The following RIMS2 variants were observed in gnomAD, a reference collection of about 807,000 sequenced individuals.
RIMS2 encodes the protein regulating synaptic membrane exocytosis protein 2.
Under a neutral mutation model 174.4 loss-of-function variants are expected in RIMS2, and 59 were observed. The observed-to-expected ratio is 0.34, with a 90% CI of 0.27 to 0.42. The LOEUF (loss-of-function observed/expected upper bound fraction) is 0.42, where lower values mean the gene tolerates loss of function less well. Among genes scored for constraint, RIMS2 ranks in the 10% least tolerant of loss-of-function variants. The pLI, the probability that RIMS2 is intolerant of heterozygous loss-of-function variation, is 1.00. For missense variants in RIMS2, 1,620 were observed against 1,666.3 expected (o/e 0.97, Z 0.48); for synonymous variants, 606 against 572.5 (o/e 1.06, Z -0.84).
At chr8:104,243,352 C>T (rs894079137) in intron 19 of RIMS2, among the ~76,000 whole-genome samples, 16 of 152,058 alleles carry the variant, frequency 1.1e-4, no homozygotes, top group Non-Finnish European at 1.3e-4. Flanking sequence ...AAAGAGATTT[C>T]GACAAATCAC....
At chr8:103,886,312 T>C (rs2099200954) in intron 4 of RIMS2, 89 bp downstream of exon 7, 2 of 1,051,294 alleles carry the variant, frequency 1.9e-6, no homozygotes, top group East Asian at 2.6e-5. Context: ...ATTTAATAGG[T>C]ATTACTAGTA....
At chr8:103,644,515 G>T (rs1298353363) in intron 1 of RIMS2, among the ~76,000 whole-genome samples, 3 of 152,052 alleles carry the variant, frequency 2.0e-5, no homozygotes, top group African/African-American at 7.2e-5. Context: ...TATTGTCAGA[G>T]AAATAGGTGA....
At chr8:104,030,685 C>T (rs966495199) in intron 19 of RIMS2, among the ~76,000 whole-genome samples, 3 of 152,162 alleles carry the variant, frequency 2.0e-5, no homozygotes, top group African/African-American at 7.2e-5. Flanking sequence ...AATACCTTCT[C>T]TTTAAATAAC....
chr8:103,663,694 A>G (rs1434273011), intron 1 of RIMS2, among the ~76,000 whole-genome samples: 3 of 152,232 alleles, frequency 2.0e-5, no homozygotes, highest in Admixed American at 2.0e-4. Context: ...TATTGTGAAA[A>G]TGGCCATACT....
intron 19 of RIMS2, among the ~76,000 whole-genome samples, chr8:104,208,146 G>A (rs1271076718): frequency 2.6e-5 from 4 of 152,098 alleles, no homozygotes; most frequent in African/African-American, 9.7e-5. Flanking sequence ...ATGCTGTTAT[G>A]AAATATTCCT....
chr8:104,128,199 C>G (rs1019512191), intron 19 of RIMS2, among the ~76,000 whole-genome samples: 3 of 152,146 alleles, frequency 2.0e-5, no homozygotes, highest in Non-Finnish European at 4.4e-5. Context: ...TTCCCAGTCA[C>G]TATCTGATCC....
At chr8:103,608,469 G>A (rs1361474897) in intron 1 of RIMS2, among the ~76,000 whole-genome samples, 5 of 144,532 alleles carry the variant, frequency 3.5e-5, no homozygotes, top group East Asian at 3.9e-4. Context: ...TGCCCCCAGA[G>A]GTGGAGCCTA....
chr8:103,575,657 T>C (rs900698030), intron 1 of RIMS2, among the ~76,000 whole-genome samples: 1 of 139,052 alleles, frequency 7.2e-6, no homozygotes, highest in Non-Finnish European at 1.5e-5. Context: ...AATTTATATA[T>C]ATAAACACAC....
intron 1 of RIMS2, among the ~76,000 whole-genome samples, chr8:103,666,505 G>A (rs370328319): frequency 6.6e-6 from 1 of 152,192 alleles, no homozygotes; most frequent in Admixed American, 6.5e-5. Flanking sequence ...AGTGGGTTTT[G>A]TAAGTCCTTG....
chr8:104,075,410 A>G (rs981718206), intron 19 of RIMS2, among the ~76,000 whole-genome samples: 6 of 152,170 alleles, frequency 3.9e-5, no homozygotes, highest in African/African-American at 1.4e-4. Context: ...TCAGATTTTC[A>G]AAAAAATGCC....
At chr8:104,211,215 T>C (rs988914475) in intron 19 of RIMS2, among the ~76,000 whole-genome samples, 11 of 152,066 alleles carry the variant, frequency 7.2e-5, no homozygotes, top group Non-Finnish European at 1.5e-4. Flanking sequence ...GAGAATAAAA[T>C]ATAAACAAAG....
intron 1 of RIMS2, among the ~76,000 whole-genome samples, chr8:103,624,929 C>T (rs1238034947): frequency 1.3e-5 from 2 of 152,052 alleles, no homozygotes; most frequent in South Asian, 2.1e-4. Flanking sequence ...TACTAAGCCC[C>T]TTTTTGGCAG....
intron 2 of RIMS2, among the ~76,000 whole-genome samples, chr8:103,726,796 G>C (rs1307036849): frequency 6.7e-6 from 1 of 149,682 alleles, no homozygotes; most frequent in Non-Finnish European, 1.5e-5. Flanking sequence ...GCAGTGGCGC[G>C]ATCTGGGCTC....
chr8:103,830,618 G>A (rs1464256365), intron 3 of RIMS2, among the ~76,000 whole-genome samples: 1 of 152,124 alleles, frequency 6.6e-6, no homozygotes, highest in Admixed American at 6.5e-5. Flanking sequence ...TGTCAATTAT[G>A]TCATGATGTT....
intron 19 of RIMS2, among the ~76,000 whole-genome samples, chr8:104,167,621 G>T (rs1287441605): frequency 1.3e-5 from 2 of 151,986 alleles, no homozygotes; most frequent in Non-Finnish European, 2.9e-5. Flanking sequence ...CCATTCTGTG[G>T]GTTGTCTATT....
intron 19 of RIMS2, among the ~76,000 whole-genome samples, chr8:104,168,593 G>A (rs2098811663): frequency 6.6e-6 from 1 of 151,582 alleles, no homozygotes; most frequent in South Asian, 2.1e-4. Flanking sequence ...CAGGGTATAC[G>A]ATCATATCAG....
At chr8:104,026,805 T>C (rs1000766140) in intron 19 of RIMS2, among the ~76,000 whole-genome samples, 1 of 152,192 alleles carries the variant, frequency 6.6e-6, no homozygotes, top group South Asian at 2.1e-4. Context: ...ATGAAGGAGC[T>C]TGGCTTTGTT....
At chr8:104,091,098 T>C (rs533410097) in intron 19 of RIMS2, among the ~76,000 whole-genome samples, 11 of 151,886 alleles carry the variant, frequency 7.2e-5, no homozygotes, top group African/African-American at 2.4e-4. Flanking sequence ...TATCCATATT[T>C]TAACAGATGA....
intron 3 of RIMS2, chr8:103,768,465 C>A: frequency 1.3e-6 from 1 of 793,046 alleles, no homozygotes. Context: ...CAATGGTTCC[C>A]CATGAAGAGG....
Sources: gnomAD v4.1 joint callset for allele counts (sites outside exome capture counted in the v4.1 genomes callset) on GRCh38, gnomAD v4.1.1 for gene constraint, MANE v1.5 for transcripts, NCBI Gene and HGNC (gene_info 2026-07-23, HGNC 2026-07-21) for gene names.